Variants in CLASP2 observed in about 807,000 individuals in gnomAD.
The protein encoded by CLASP2 is cytoplasmic linker associated protein 2.
In CLASP2, 47 loss-of-function variants were observed where a neutral mutation model predicts 194.4. The observed-to-expected ratio is 0.24, with a 90% CI of 0.19 to 0.31. The LOEUF (loss-of-function observed/expected upper bound fraction) is 0.31, where lower values mean the gene tolerates loss of function less well. Ranked by LOEUF, CLASP2 falls within the 10% of genes least tolerant of loss-of-function variation. The pLI, the probability that CLASP2 is intolerant of heterozygous loss-of-function variation, is 1.00. For synonymous variants in CLASP2, 619 were observed against 633.5 expected (o/e 0.98, Z 0.34); for missense variants, 1,445 against 1,823.6 (o/e 0.79, Z 3.78).
intron 6 of CLASP2, among the ~76,000 whole-genome samples, chr3:33,670,045 G>A (rs2086869519): frequency 6.6e-6 from 1 of 152,062 alleles, no homozygotes; most frequent in Non-Finnish European, 1.5e-5. Flanking sequence ...ACTGTAGCTG[G>A]ATCCAACAAC....
intron 10 of CLASP2, among the ~76,000 whole-genome samples, chr3:33,624,416 A>C (rs1158720097): frequency 6.6e-6 from 1 of 152,140 alleles, no homozygotes; most frequent in African/African-American, 2.4e-5. Context: ...CAAAATAAAA[A>C]TCACAATATG....
At chr3:33,657,016 C>T (rs1458282531) in intron 7 of CLASP2, among the ~76,000 whole-genome samples, 2 of 152,086 alleles carry the variant, frequency 1.3e-5, no homozygotes, top group African/African-American at 4.8e-5. Flanking sequence ...TACACCTGGG[C>T]TCGGGGCTTG....
In CLASP2 at chr3:33,560,950, T is replaced by C; in HGVS notation, c.2788A>G (p.Thr930Ala). 1 of 1,613,032 alleles carries C rather than the reference T, an allele frequency of 6.2e-7. No individual in the cohort carries two copies. Among genetic ancestry groups the C allele is most frequent in the Non-Finnish European group, 8.5e-7 (1 of 1,179,580 alleles). ...GKRVFSMFLE[T>A]LVDFIQVHKD... ...TGGACTTGTATGAAATCCACTAGAG[T>C]CTCCAAAAACATGCTGAATACCTAC... is the stretch of plus-strand genomic sequence containing the variant. Residue 930 changes from threonine (T) to alanine (A), a missense_variant, in exon 28 of 39, where the codon ACT becomes GCT. Coordinates refer to ENST00000682230, the MANE Select transcript of CLASP2 (RefSeq NM_001365631.1).
At chr3:33,715,441 C>T (rs1374490724) in intron 1 of CLASP2, among the ~76,000 whole-genome samples, 1 of 152,150 alleles carries the variant, frequency 6.6e-6, no homozygotes, top group Non-Finnish European at 1.5e-5. Flanking sequence ...ACACACTATA[C>T]ATTTTATTTA....
At chr3:33,535,093 C>T in intron 34 of CLASP2, 140 bp downstream of exon 34, 1 of 620,638 alleles carries the variant, frequency 1.6e-6, no homozygotes, top group Non-Finnish European at 2.8e-6. Flanking sequence ...AGATGAGTTC[C>T]TAGAAGATGG....
chr3:33,606,887 G>T, intron 15 of CLASP2, 129 bp from the exon 16 acceptor site: 1 of 688,896 alleles, frequency 1.5e-6, no homozygotes. Context: ...TTTGTCAGGT[G>T]AACACTTTCT....
At chr3:33,635,467 A>C (rs1270493137) in intron 8 of CLASP2, among the ~76,000 whole-genome samples, 1 of 152,200 alleles carries the variant, frequency 6.6e-6, no homozygotes, top group African/African-American at 2.4e-5. Flanking sequence ...ATTCCTGCAG[A>C]AGAAAAGAGG....
At chr3:33,540,232 A>ATTT (rs11398038) in intron 32 of CLASP2, among the ~76,000 whole-genome samples, 57 of 122,088 alleles carry the variant, frequency 4.7e-4, no homozygotes, top group Non-Finnish European at 5.9e-4. Context: ...GACTGGCCAA[A>ATTT]TTTTTTTTTT....
chr3:33,643,977 GGAAA>G (rs1268787235), intron 8 of CLASP2, among the ~76,000 whole-genome samples: 5 of 151,840 alleles, frequency 3.3e-5, no homozygotes, highest in Non-Finnish European at 7.4e-5. Context: ...TTTTTAAAAA[GGAAA>G]GAAAGGAAAA....
intron 5 of CLASP2, among the ~76,000 whole-genome samples, chr3:33,684,955 T>C (rs918905509): frequency 4.6e-5 from 7 of 151,262 alleles, no homozygotes; most frequent in Non-Finnish European, 1.0e-4. Context: ...TGAGCCAAGA[T>C]CGTGCCACTG....
chr3:33,552,182 G>C (rs892301250), intron 29 of CLASP2, among the ~76,000 whole-genome samples: 3 of 148,976 alleles, frequency 2.0e-5, no homozygotes, highest in Non-Finnish European at 4.4e-5. Flanking sequence ...GTAATGGTGC[G>C]ATCTCGGCTC....
intron 1 of CLASP2, among the ~76,000 whole-genome samples, chr3:33,717,084 G>C (rs888842956): frequency 2.0e-5 from 3 of 152,152 alleles, no homozygotes; most frequent in Non-Finnish European, 4.4e-5. Flanking sequence ...TCTTCAGAAA[G>C]GCTCATTCTT....
intron 1 of CLASP2, among the ~76,000 whole-genome samples, chr3:33,699,275 C>A (rs2092195632): frequency 6.6e-6 from 1 of 151,874 alleles, no homozygotes; most frequent in Non-Finnish European, 1.5e-5. Context: ...CATAGGAATT[C>A]TAGAAGAGAG....
intron 6 of CLASP2, among the ~76,000 whole-genome samples, chr3:33,673,163 A>G (rs1216073317): frequency 1.2e-4 from 18 of 152,218 alleles, no homozygotes; most frequent in Non-Finnish European, 1.5e-5. Flanking sequence ...GGTTGAAATG[A>G]AGGAAAAAAT....
intron 21 of CLASP2, among the ~76,000 whole-genome samples, chr3:33,587,662 T>C (rs947715503): frequency 1.3e-5 from 2 of 152,220 alleles, no homozygotes; most frequent in African/African-American, 4.8e-5. Context: ...CTCATTTGAA[T>C]GTTTCATGAT....
At chr3:33,545,030 T>C (rs917637780) in intron 30 of CLASP2, 189 bp from the exon 31 acceptor site, 1 of 429,324 alleles carries the variant, frequency 2.3e-6, no homozygotes, top group African/African-American at 2.0e-5. Flanking sequence ...TACCTTTTTT[T>C]TTTTTAAGGT....
chr3:33,701,317 C>G (rs1262914935), intron 1 of CLASP2, among the ~76,000 whole-genome samples: 1 of 152,180 alleles, frequency 6.6e-6, no homozygotes, highest in Non-Finnish European at 1.5e-5. Context: ...CTACAGTAAT[C>G]AAGACAATGT....
intron 6 of CLASP2, among the ~76,000 whole-genome samples, chr3:33,667,375 C>T (rs1259894007): frequency 2.4e-5 from 3 of 124,422 alleles, no homozygotes; most frequent in Non-Finnish European, 4.7e-5. Flanking sequence ...TGTCACTGCA[C>T]TCCAGCCTGG....
rs545215804 is a variant in CLASP2, at chr3:33,497,060, T to A, written c.*1571A>T. The A allele has an allele frequency of 3.9e-5, 6 of 152,734 alleles. No individual in the cohort carries two copies. The highest frequency in any genetic ancestry group is 7.4e-5 in the Non-Finnish European group (5 of 68,006). The allele number at this position is 152,734 out of a possible 1,614,324, so 9.5% of individuals were successfully genotyped here. On this transcript the variant is annotated 3_prime_UTR_variant, in exon 39 of 39. Transcript: ENST00000682230. ...ATGCACAACAGTAAGCATAGAACTATAAATACACAATGTAATTAACAGTAG... is the reference window on the plus strand; with the variant it reads ...ATGCACAACAGTAAGCATAGAACTAAAAATACACAATGTAATTAACAGTAG...
Sources: allele counts gnomAD v4.1 joint callset (sites outside exome capture counted in the v4.1 genomes callset), GRCh38; gene constraint gnomAD v4.1.1; transcripts MANE v1.5; gene names NCBI Gene and HGNC (gene_info 2026-07-23, HGNC 2026-07-21).